The following MEF2C variants were observed in gnomAD, a reference collection of about 807,000 sequenced individuals.
The protein encoded by MEF2C is myocyte-specific enhancer factor 2C.
In MEF2C, 6 loss-of-function variants were observed where a neutral mutation model predicts 50.5. The observed-to-expected ratio is 0.12, with a 90% confidence interval of 0.07 to 0.23. The LOEUF is 0.23. Ranked by LOEUF, MEF2C falls within the 10% of genes least tolerant of loss-of-function variation. MEF2C has a pLI of 1.00. For synonymous variants in MEF2C, 183 were observed against 228.0 expected (o/e 0.80, Z 1.78); for missense variants, 276 against 605.0 (o/e 0.46, Z 5.70).
chr5:88,794,919 T>G (rs996839760), intron 3 of MEF2C, among the ~76,000 whole-genome samples: 1 of 152,200 alleles, frequency 6.6e-6, no homozygotes, highest in Non-Finnish European at 1.5e-5. Context: ...CCATTACTTG[T>G]TTTTGTCAGG....
At chr5:88,818,985 T>G (rs1806961052) in intron 2 of MEF2C, among the ~76,000 whole-genome samples, 1 of 152,024 alleles carries the variant, frequency 6.6e-6, no homozygotes, top group Non-Finnish European at 1.5e-5. Flanking sequence ...TTTACATTTA[T>G]TGCTTCATTT....
rs376163956 is a variant in MEF2C, at chr5:88,722,575, A to G, written c.*29T>C. ...TAGCACACACACACACTGCAAGAAA[A>G]AAAAAAAAACTAGTAAGTAATAATC... is the stretch of plus-strand genomic sequence containing the variant. On this transcript the variant is annotated 3_prime_UTR_variant, in exon 11 of 11. Coordinates refer to ENST00000504921, the MANE Select transcript of MEF2C (RefSeq NM_002397.5). The G allele has an allele frequency of 7.6e-6, 12 of 1,581,726 alleles. No individual in the cohort carries two copies. The highest frequency in any genetic ancestry group is 3.4e-4 in the Middle Eastern group (2 of 5,864).
At chr5:88,762,552 C>T (rs1778324896) in intron 3 of MEF2C, among the ~76,000 whole-genome samples, 1 of 151,546 alleles carries the variant, frequency 6.6e-6, no homozygotes, top group Non-Finnish European at 1.5e-5. Context: ...ACAGGCTGAG[C>T]CACCACAACC....
At chr5:88,749,488 C>G in intron 5 of MEF2C, 1 of 984,880 alleles carries the variant, frequency 1.0e-6, no homozygotes, top group Non-Finnish European at 1.2e-6. Flanking sequence ...ATGTTTAGTT[C>G]TTTGTAAATA....
chr5:88,730,709 A>G (rs1388079585), intron 7 of MEF2C, among the ~76,000 whole-genome samples: 1 of 152,170 alleles, frequency 6.6e-6, no homozygotes, highest in Admixed American at 6.6e-5. Context: ...TATATTTATT[A>G]GACCCAGTTT....
At chr5:88,874,259 AT>A (rs1830423556) in intron 1 of MEF2C, among the ~76,000 whole-genome samples, 1 of 151,968 alleles carries the variant, frequency 6.6e-6, no homozygotes, top group Non-Finnish European at 1.5e-5. Flanking sequence ...TATTCCATAC[AT>A]ATGTTCAATA....
chr5:88,741,648 A>G (rs1347010854), intron 6 of MEF2C: 2 of 976,246 alleles, frequency 2.0e-6, no homozygotes, highest in Non-Finnish European at 2.4e-6. Flanking sequence ...GTTTTCTCTT[A>G]CTACTATATT....
chr5:88,814,753 G>A (rs1253392346), intron 2 of MEF2C, among the ~76,000 whole-genome samples: 1 of 151,856 alleles, frequency 6.6e-6, no homozygotes, highest in Non-Finnish European at 1.5e-5. Flanking sequence ...TTAAATAATC[G>A]AATGCACATT....
At chr5:88,734,882 G>A (rs975381818) in intron 6 of MEF2C, 1 of 978,798 alleles carries the variant, frequency 1.0e-6, no homozygotes, top group African/African-American at 1.8e-5. Flanking sequence ...GAACCATGAT[G>A]ACACTTCTTA....
chr5:88,891,410 T>C (rs894825928), intron 1 of MEF2C, among the ~76,000 whole-genome samples: 276 of 147,372 alleles, frequency 1.9e-3, no homozygotes, highest in Non-Finnish European at 3.3e-3. Flanking sequence ...TTTTTTTTTT[T>C]TTTTTGAGAC....
chr5:88,754,997 T>C (rs1233036658), intron 4 of MEF2C, among the ~76,000 whole-genome samples: 1 of 152,200 alleles, frequency 6.6e-6, no homozygotes, highest in Non-Finnish European at 1.5e-5. Context: ...AAGCCCACGC[T>C]GACCACCCTA....
At chr5:88,723,303 A>G (rs1757058968) in intron 10 of MEF2C, among the ~76,000 whole-genome samples, 1 of 152,274 alleles carries the variant, frequency 6.6e-6, no homozygotes, top group Non-Finnish European at 1.5e-5. Context: ...GCATTTAGAT[A>G]CAGTGTTTAG....
chr5:88,793,895 T>G (rs1466648238), intron 3 of MEF2C, among the ~76,000 whole-genome samples: 2 of 151,658 alleles, frequency 1.3e-5, no homozygotes. Flanking sequence ...ACATGTGGTG[T>G]TTGGTTTTCT....
At chr5:88,801,259 T>C (rs1417414362) in intron 3 of MEF2C, among the ~76,000 whole-genome samples, 2 of 152,174 alleles carry the variant, frequency 1.3e-5, no homozygotes, top group Non-Finnish European at 2.9e-5. Flanking sequence ...TCATGAAACA[T>C]ATTATGCTCC....
At chr5:88,817,195 A>T (rs1418385489) in intron 2 of MEF2C, among the ~76,000 whole-genome samples, 1 of 151,980 alleles carries the variant, frequency 6.6e-6, no homozygotes, top group Non-Finnish European at 1.5e-5. Context: ...CTTTCAACAA[A>T]TTTTCTATTA....
At chr5:88,725,317 A>G (rs1014431570) in intron 10 of MEF2C, among the ~76,000 whole-genome samples, 1 of 152,172 alleles carries the variant, frequency 6.6e-6, no homozygotes, top group African/African-American at 2.4e-5. Flanking sequence ...CTAAATCCAC[A>G]GTAGTAAAAT....
chr5:88,805,809 A>AAG (rs1351445252), intron 2 of MEF2C, among the ~76,000 whole-genome samples: 3 of 150,418 alleles, frequency 2.0e-5, no homozygotes, highest in African/African-American at 7.3e-5. Flanking sequence ...GGCTACTGAA[A>AAG]AGGCGTGAAC....
In MEF2C at chr5:88,728,519, C is replaced by T. The variant is rs1197579572; in HGVS notation, c.1074G>A (p.Met358Ile). 1 of 1,523,020 alleles carries T rather than the reference C, an allele frequency of 6.6e-7. No homozygotes were observed. The highest frequency in any genetic ancestry group is 2.0e-5 in the Admixed American group (1 of 49,386). 94.3% of individuals were successfully genotyped at this position (1,523,020 alleles called of 1,614,324 possible). A position where few individuals can be genotyped will look rare whatever the true frequency, so the allele number is the denominator to read the frequency against. ...TGWQQQHLHN[M>I]PPSALSQLGA... ...CCAACTGACTGAGGGCAGATGGTGG[C>T]ATGTTATGTAGGTGTTGCTGTTGCC... The change falls in exon 10 of 11, where the codon ATG (methionine) becomes ATA (isoleucine). Residue 358 changes from methionine (M) to isoleucine (I), a missense_variant. Coordinates refer to ENST00000504921, the MANE Select transcript of MEF2C (RefSeq NM_002397.5).
intron 2 of MEF2C, among the ~76,000 whole-genome samples, chr5:88,807,634 G>A (rs1801067987): frequency 6.6e-6 from 1 of 152,178 alleles, no homozygotes; most frequent in African/African-American, 2.4e-5. Context: ...CCAATAATGT[G>A]TGTATAGTAT....
Sources: allele counts gnomAD v4.1 joint callset (sites outside exome capture counted in the v4.1 genomes callset), GRCh38; gene constraint gnomAD v4.1.1; transcripts MANE v1.5; gene names NCBI Gene and HGNC (gene_info 2026-07-23, HGNC 2026-07-21).